Variants in CLEC2D observed in about 807,000 individuals in gnomAD.
CLEC2D encodes the protein C-type lectin domain family 2 member D.
CLEC2D carries 16 observed loss-of-function variants against 20.0 expected under a neutral mutation model. The observed-to-expected ratio is 0.80, with a 90% confidence interval of 0.54 to 1.22. CLEC2D has a LOEUF of 1.22. CLEC2D is among the 50% of genes most tolerant of loss of function. The pLI is 0.00. For missense variants in CLEC2D, 207 were observed against 221.5 expected, an observed-to-expected ratio of 0.93 and a Z score of 0.42; for synonymous variants, 77 against 71.1, an observed-to-expected ratio of 1.08 and a Z score of -0.42.
intron 1 of CLEC2D, among the ~76,000 whole-genome samples, chr12:9,671,045 T>A (rs777480863): frequency 1.6e-4 from 24 of 152,208 alleles, no homozygotes; most frequent in African/African-American, 5.5e-4. Context: ...CTCCTTTCCA[T>A]CCTCCAGCTA....
chr12:9,673,327 CA>C (rs1865459713), intron 1 of CLEC2D, among the ~76,000 whole-genome samples: 2 of 152,372 alleles, frequency 1.3e-5, no homozygotes, highest in South Asian at 4.1e-4. Context: ...CTTTCTGAGG[CA>C]AGTCTGCTGC....
At chr12:9,693,400 A>C in intron 4 of CLEC2D, 1 of 278,084 alleles carries the variant, frequency 3.6e-6, no homozygotes, top group Non-Finnish European at 6.8e-6. Flanking sequence ...ATTTAATCTC[A>C]ATTGTATATT....
intron 1 of CLEC2D, among the ~76,000 whole-genome samples, chr12:9,674,621 T>C (rs1865487287): frequency 6.6e-6 from 1 of 152,268 alleles, no homozygotes; most frequent in Non-Finnish European, 1.5e-5. Context: ...TTACCAGTAA[T>C]GCATGAGACT....
Position 9,695,612 on chromosome 12 carries a change from C to A in CLEC2D, c.*738C>A. The A allele has an allele frequency of 1.3e-6, 2 of 1,554,334 alleles. No individual in the cohort carries two copies. The highest frequency in any genetic ancestry group is 1.8e-6 in the Non-Finnish European group (2 of 1,140,140). ...GGCAGTCCAATTAAAGTAACACTGG[C>A]AACTTTGAAAATGTCTGTACAGCCA... On this transcript the variant is annotated 3_prime_UTR_variant, in exon 5 of 5. Coordinates refer to ENST00000290855, the MANE Select transcript of CLEC2D (RefSeq NM_013269.6).
intron 1 of CLEC2D, among the ~76,000 whole-genome samples, chr12:9,670,657 C>T (rs1189246504): frequency 6.6e-6 from 1 of 152,130 alleles, no homozygotes; most frequent in Admixed American, 6.6e-5. Context: ...GTAATTTGAA[C>T]ATTTTGAACA....
In CLEC2D at chr12:9,671,296, T is replaced by C. The variant is rs773888217; in HGVS notation, c.61+1501T>C. On this transcript the variant is annotated intron_variant, in intron 1 of 4. Transcript: ENST00000290855. ...TGGAGTGCAGTGGCGCGATCTCGGC[T>C]CACTGCAAGCCCCGCCTCCTGGGTT... Among the ~76,000 whole-genome samples, 4 of 152,300 alleles carry C rather than the reference T, an allele frequency of 2.6e-5. No individual in the cohort carries two copies. In the South Asian group the frequency reaches 8.3e-4, roughly 32 times the overall value.
At chr12:9,693,658 CAG>C (rs1865913888) in intron 4 of CLEC2D, 1 of 230,798 alleles carries the variant, frequency 4.3e-6, no homozygotes, top group Non-Finnish European at 8.8e-6. Flanking sequence ...TTTTAGAAAT[CAG>C]AGAACATGTA....
chr12:9,687,177 A>G (rs1481837784), intron 2 of CLEC2D, among the ~76,000 whole-genome samples: 1 of 152,334 alleles, frequency 6.6e-6, no homozygotes, highest in African/African-American at 2.4e-5. Flanking sequence ...ACAACTCACC[A>G]TAATGTAGAA....
chr12:9,681,121 C>A, intron 2 of CLEC2D, 88 bp downstream of exon 2: 2 of 765,470 alleles, frequency 2.6e-6, no homozygotes, highest in Admixed American at 2.6e-5. Flanking sequence ...TTATTCTTTA[C>A]AGCTTTTAAT....
intron 2 of CLEC2D, among the ~76,000 whole-genome samples, chr12:9,684,909 G>A (rs941234576): frequency 2.6e-5 from 4 of 152,118 alleles, no homozygotes; most frequent in African/African-American, 9.7e-5. Flanking sequence ...GAGTTAGGGA[G>A]AATTCCTTCT....
chr12:9,687,984 G>A lies in CLEC2D; in HGVS notation c.255G>A (p.Lys85=). The A allele has an allele frequency of 6.2e-7, 1 of 1,612,916 alleles. No homozygotes were observed. Among genetic ancestry groups the A allele is most frequent in the African/African-American group, 1.3e-5 (1 of 74,968 alleles). Residue 85 remains lysine, a synonymous_variant, in exon 3 of 5, where the codon AAG becomes AAA. Transcript: ENST00000290855. The stretch of plus-strand genomic sequence containing the variant: ...AAAGCTGGATTGGTTTTCAAAGAAA[G>A]TGTTTCTATTTTTCTGATGACACCA... ...CPESWIGFQR[K]CFYFSDDTKN... is the part of the protein sequence containing the mutation.
chr12:9,673,582 C>T (rs1591687478), intron 1 of CLEC2D, among the ~76,000 whole-genome samples: 1 of 152,242 alleles, frequency 6.6e-6, no homozygotes, highest in Non-Finnish European at 1.5e-5. Flanking sequence ...CTTAGCAGAG[C>T]TGGTGTGCTG....
chr12:9,688,153 A>G (rs943903745), intron 3 of CLEC2D, 67 bp downstream of exon 3: 1 of 1,352,336 alleles, frequency 7.4e-7, no homozygotes. Context: ...CTGTGAAATT[A>G]TCTAAGAGGT....
chr12:9,677,855 G>C (rs1346874641), intron 1 of CLEC2D, among the ~76,000 whole-genome samples: 1 of 151,930 alleles, frequency 6.6e-6, no homozygotes, highest in Admixed American at 6.6e-5. Flanking sequence ...CTCCTGAGTA[G>C]CTGGGAATAC....
chr12:9,671,185 T>TGG (rs1865413298), intron 1 of CLEC2D, among the ~76,000 whole-genome samples: 1 of 152,196 alleles, frequency 6.6e-6, no homozygotes, highest in African/African-American at 2.4e-5. Flanking sequence ...CCCACTCTCA[T>TGG]GGAGCTACAG....
chr12:9,697,027 A>G lies in CLEC2D; in HGVS notation c.*2153A>G. 1 of 59,336 alleles carries G rather than the reference A, an allele frequency of 1.7e-5. No individual in the cohort carries two copies. The highest frequency in any genetic ancestry group is 7.5e-4 in the South Asian group (1 of 1,338). 3.7% of individuals were successfully genotyped at this position (59,336 alleles called of 1,614,324 possible). A position where few individuals can be genotyped will look rare whatever the true frequency, so the allele number is the denominator to read the frequency against. On this transcript the variant is annotated 3_prime_UTR_variant, in exon 5 of 5. Coordinates refer to ENST00000290855, the MANE Select transcript of CLEC2D (RefSeq NM_013269.6). ...TATATATAAAACACACACATTATAT[A>G]CATACATACATATATATATATATAT...
intron 1 of CLEC2D, among the ~76,000 whole-genome samples, chr12:9,680,481 A>G (rs1038307643): frequency 6.6e-6 from 1 of 152,198 alleles, no homozygotes; most frequent in Non-Finnish European, 1.5e-5. Context: ...GACCTCTACA[A>G]TAATCACTTT....
rs1226655704 is a variant in CLEC2D at position 9,683,322 on chromosome 12, G to GTTTTTTTTTTTTTT, written c.172+2295_172+2296insTTTTTTTTTTTTTT. 2.5e-5 allele frequency among the ~76,000 whole-genome samples: 2 copies of GTTTTTTTTTTTTTT among 80,880 alleles called. 1 individual carries two copies. Among genetic ancestry groups the GTTTTTTTTTTTTTT allele is most frequent in the African/African-American group, 1.2e-4 (2 of 16,130 alleles). The allele number at this position is 80,880 out of a possible 152,430, so 53.1% of individuals were successfully genotyped here. On this transcript the variant is annotated intron_variant, in intron 2 of 4. Transcript: ENST00000290855. ...TGCCTGTTCACTCTGATGATAGTTT[G>GTTTTTTTTTTTTTT]TTTTTTGTGTTTGTTTTTTTTTTTT...
chr12:9,670,806 G>T (rs1865402829), intron 1 of CLEC2D, among the ~76,000 whole-genome samples: 1 of 152,204 alleles, frequency 6.6e-6, no homozygotes, highest in East Asian at 1.9e-4. Flanking sequence ...AGCCTTTGTA[G>T]TGCTATTCAG....
Sources: gnomAD v4.1 joint callset for allele counts (sites outside exome capture counted in the v4.1 genomes callset) on GRCh38, gnomAD v4.1.1 for gene constraint, MANE v1.5 for transcripts, NCBI Gene and HGNC (gene_info 2026-07-23, HGNC 2026-07-21) for gene names.